The following CHRNB3 variants were observed in gnomAD, a reference collection of about 807,000 sequenced individuals.
CHRNB3 encodes the protein neuronal acetylcholine receptor subunit beta-3.
CHRNB3 carries 37 observed loss-of-function variants against 40.6 expected under a neutral mutation model. That is an observed-to-expected ratio of 0.91 (90% CI 0.70 to 1.20). CHRNB3 has a LOEUF of 1.20. CHRNB3 is among the 50% of genes most tolerant of loss of function. The pLI is 0.00. For synonymous variants in CHRNB3, 207 were observed against 207.1 expected, an observed-to-expected ratio of 1.00 and a Z score of 0.00; for missense variants, 505 against 551.2, an observed-to-expected ratio of 0.92 and a Z score of 0.84.
chr8:42,708,701 C>T lies in CHRNB3; in HGVS notation c.53-16C>T. On this transcript the variant is annotated splice_polypyrimidine_tract_variant and intron_variant, in intron 1 of 5. Coordinates refer to ENST00000289957, the MANE Select transcript of CHRNB3 (RefSeq NM_000749.5). Reference sequence around the variant, plus strand: ...CCCCTCCCATTAACCCAGGTCCACCCATGATTCTTTTACAGCCACCACAGG... The same window carrying T: ...CCCCTCCCATTAACCCAGGTCCACCTATGATTCTTTTACAGCCACCACAGG... 4.3e-6 allele frequency: 7 copies of T among 1,612,794 alleles called. No homozygotes were observed. Among genetic ancestry groups the T allele is most frequent in the Non-Finnish European group, 5.1e-6 (6 of 1,179,382 alleles).
chr8:42,718,241 C>T (rs1223422727), intron 3 of CHRNB3, among the ~76,000 whole-genome samples: 1 of 152,046 alleles, frequency 6.6e-6, no homozygotes, highest in Admixed American at 6.5e-5. Flanking sequence ...TATGAATCAA[C>T]AAGAATTTGG....
intron 3 of CHRNB3, among the ~76,000 whole-genome samples, chr8:42,727,215 A>G (rs930538292): frequency 3.3e-5 from 5 of 151,880 alleles, no homozygotes; most frequent in Non-Finnish European, 2.9e-5. Flanking sequence ...TCTACTAAAA[A>G]CACAAAAATT....
At position 42,731,985 on chromosome 8, in the gene CHRNB3, C is replaced by A. The variant is rs528159249; in HGVS notation, c.678C>A (p.Ser226=). ...GVYSYPFITY[S]FVLRRLPLFY... is the part of the protein sequence containing the mutation. The stretch of plus-strand genomic sequence containing the variant: ...ACTCCTATCCCTTTATCACGTATTC[C>A]TTCGTCCTGAGACGCCTGCCTTTAT... Residue 226 remains serine, a synonymous_variant, in exon 5 of 6, where the codon TCC becomes TCA. Coordinates refer to ENST00000289957, the MANE Select transcript of CHRNB3 (RefSeq NM_000749.5). 1 of 1,614,062 alleles carries A rather than the reference C, an allele frequency of 6.2e-7. No homozygotes were observed. The highest frequency in any genetic ancestry group is 8.5e-7 in the Non-Finnish European group (1 of 1,180,000).
At position 42,732,516 on chromosome 8, in the gene CHRNB3, G is replaced by C. The variant is rs4953; in HGVS notation, c.1209G>C (p.Ser403=). ...EKAADSIRYI[S]RHVKKEHFIS... ...CTGCTGATTCCATTAGATACATTTC[G>C]AGACATGTGAAGAAAGAACATTTTA... Residue 403 remains serine, a synonymous_variant, in exon 5 of 6, where the codon TCG becomes TCC. Transcript: ENST00000289957. 67,376 of 1,604,292 alleles carry C rather than the reference G, an allele frequency of 0.042. 1,842 individuals carry two copies. Among genetic ancestry groups the C allele is most frequent in the Middle Eastern group, 0.11 (638 of 5,994 alleles).
chr8:42,710,090 T>C (rs1476494353), intron 2 of CHRNB3, among the ~76,000 whole-genome samples: 3 of 152,216 alleles, frequency 2.0e-5, no homozygotes, highest in Non-Finnish European at 2.9e-5. Flanking sequence ...CATTTGACTA[T>C]TGTAAATTGA....
rs1011341922 is a variant in CHRNB3, at chr8:42,737,010, C to T, written c.*392C>T. The T allele has an allele frequency of 1.6e-5, 3 of 192,942 alleles. No homozygotes were observed. The highest frequency in any genetic ancestry group is 4.7e-5 in the African/African-American group (2 of 42,240). 12.0% of individuals were successfully genotyped at this position (192,942 alleles called of 1,614,324 possible). On this transcript the variant is annotated 3_prime_UTR_variant, in exon 6 of 6. Transcript: ENST00000289957. Reference sequence around the variant, plus strand: ...CCTGGAATTAAGGAAGTCTCGGTGTCGAGCTATCTGTGTGGGCAGAGCCTG... The same window carrying T: ...CCTGGAATTAAGGAAGTCTCGGTGTTGAGCTATCTGTGTGGGCAGAGCCTG...
intron 3 of CHRNB3, among the ~76,000 whole-genome samples, chr8:42,722,596 C>T (rs538573753): frequency 6.6e-6 from 1 of 152,264 alleles, no homozygotes; most frequent in Non-Finnish European, 1.5e-5. Context: ...GGGCCTTGCT[C>T]TGTCTCCAAG....
rs913466200 is a variant in CHRNB3, at chr8:42,718,621, C to A, written c.249+8187C>A. Among the ~76,000 whole-genome samples the A allele has an allele frequency of 2.1e-5, 3 of 143,118 alleles. No homozygotes were observed. The East Asian group carries it at 6.1e-4, about 29-fold the overall frequency. The allele number at this position is 143,118 out of a possible 152,430, so 93.9% of individuals were successfully genotyped here. A position where few individuals can be genotyped will look rare whatever the true frequency, so the allele number is the denominator to read the frequency against. ...CTGGGAGGCAGAGCTTGCAGTGAGC[C>A]GAGATGGCGCCACTGCGCTCCAGCC... On this transcript the variant is annotated intron_variant, in intron 3 of 5. Coordinates refer to ENST00000289957, the MANE Select transcript of CHRNB3 (RefSeq NM_000749.5).
At chr8:42,736,463 G>T (rs55924223) in intron 5 of CHRNB3, 21 bp from the exon 6 acceptor site, 2 of 1,613,302 alleles carry the variant, frequency 1.2e-6, no homozygotes, top group Non-Finnish European at 1.7e-6. Context: ...TGAGTGAAAG[G>T]CATCTTTTTC....
intron 3 of CHRNB3, among the ~76,000 whole-genome samples, chr8:42,717,081 AG>A (rs1816122145): frequency 6.6e-6 from 1 of 151,084 alleles, no homozygotes; most frequent in Non-Finnish European, 1.5e-5. Flanking sequence ...AGGAAAAATA[AG>A]AAGCAGACTG....
At chr8:42,703,435 A>AAAAAAAAAAAAAATATATATATATATAT in intron 1 of CHRNB3, among the ~76,000 whole-genome samples, 9 of 47,398 alleles carry the variant, frequency 1.9e-4, no homozygotes, top group Non-Finnish European at 2.8e-4. Flanking sequence ...AAAAAAAAAA[A>AAAAAAAAAAAAAATATATATATATATAT]ATATTTATAT....
rs536666128 is a variant in CHRNB3, at chr8:42,730,754, A to G, written c.359+51A>G. 4.0e-6 allele frequency: 5 copies of G among 1,240,922 alleles called. No homozygotes were observed. In the African/African-American group the frequency reaches 4.7e-5, roughly 12 times the overall value. 76.9% of individuals were successfully genotyped at this position (1,240,922 alleles called of 1,614,324 possible). On this transcript the variant is annotated intron_variant, in intron 4 of 5. Coordinates refer to ENST00000289957, the MANE Select transcript of CHRNB3 (RefSeq NM_000749.5). The stretch of plus-strand genomic sequence containing the variant: ...ATGGGGAAAAAAATAAATTTTTTAA[A>G]AAGTGAAAAAAAGGCTGGGCGCGGT...
At chr8:42,698,010 T>C (rs75365796) in intron 1 of CHRNB3, among the ~76,000 whole-genome samples, 6,505 of 152,302 alleles carry the variant, frequency 0.043, 178 homozygotes, top group South Asian at 0.08. Flanking sequence ...ATATTTAATT[T>C]TGTCCAATAT....
In CHRNB3 at chr8:42,710,502, T is replaced by C. The variant is rs992122644; in HGVS notation, c.249+68T>C. ...TATTTTCTATTTATAAAGGCTCCTA[T>C]CTGAAAAACAATTATTTAAGAGGGC... On this transcript the variant is annotated intron_variant, in intron 3 of 5. Coordinates refer to ENST00000289957, the MANE Select transcript of CHRNB3 (RefSeq NM_000749.5). 15 of 1,246,822 alleles carry C rather than the reference T, an allele frequency of 1.2e-5. No individual in the cohort carries two copies. The South Asian group carries it at 1.3e-4, about 11-fold the overall frequency. The allele number at this position is 1,246,822 out of a possible 1,614,324, so 77.2% of individuals were successfully genotyped here.
chr8:42,703,296 C>T (rs929110425), intron 1 of CHRNB3, among the ~76,000 whole-genome samples: 12 of 150,642 alleles, frequency 8.0e-5, no homozygotes, highest in Middle Eastern at 3.4e-3. Context: ...TGTTGGTGCA[C>T]GCCTGTAATC....
At chr8:42,719,431 G>A (rs1250241704) in intron 3 of CHRNB3, among the ~76,000 whole-genome samples, 1 of 152,176 alleles carries the variant, frequency 6.6e-6, no homozygotes, top group Non-Finnish European at 1.5e-5. Flanking sequence ...GATCATTTGA[G>A]GCTAGGAGTT....
chr8:42,702,630 G>A (rs1451008092), intron 1 of CHRNB3, among the ~76,000 whole-genome samples: 1 of 152,082 alleles, frequency 6.6e-6, no homozygotes, highest in East Asian at 1.9e-4. Context: ...GGGCATGGTG[G>A]CACGTGCCTG....
chr8:42,723,983 G>A (rs1223446090), intron 3 of CHRNB3, among the ~76,000 whole-genome samples: 1 of 152,076 alleles, frequency 6.6e-6, no homozygotes, highest in Non-Finnish European at 1.5e-5. Flanking sequence ...CTACTAAGGA[G>A]GCTGAGGCAG....
At chr8:42,714,449 C>A (rs1021151767) in intron 3 of CHRNB3, among the ~76,000 whole-genome samples, 1 of 152,040 alleles carries the variant, frequency 6.6e-6, no homozygotes, top group Non-Finnish European at 1.5e-5. Flanking sequence ...CGTGTTACTG[C>A]ACTCCAGCCT....
Sources: gnomAD v4.1 joint callset for allele counts (sites outside exome capture counted in the v4.1 genomes callset) on GRCh38, gnomAD v4.1.1 for gene constraint, MANE v1.5 for transcripts, NCBI Gene and HGNC (gene_info 2026-07-23, HGNC 2026-07-21) for gene names.